Variants in RGS6 observed in about 807,000 individuals in gnomAD.
RGS6 encodes regulator of G-protein signaling 6.
RGS6 carries 30 observed loss-of-function variants against 78.5 expected under a neutral mutation model. That is an observed-to-expected ratio of 0.38 (90% confidence interval 0.29 to 0.52). The LOEUF is 0.52. Among genes scored for constraint, RGS6 ranks in the 20% least tolerant of loss-of-function variants. RGS6 has a pLI of 0.85. For synonymous variants in RGS6, 206 were observed against 206.0 expected (o/e 1.00, Z 0.00); for missense variants, 495 against 609.7 (o/e 0.81, Z 1.98).
intron 2 of RGS6, among the ~76,000 whole-genome samples, chr14:72,094,778 G>A (rs569251907): frequency 1.3e-5 from 2 of 152,300 alleles, no homozygotes; most frequent in South Asian, 4.1e-4. Context: ...GGAGGAGTAG[G>A]AGAGACAATA....
chr14:72,121,231 C>G (rs1228935567), intron 2 of RGS6, among the ~76,000 whole-genome samples: 1 of 152,192 alleles, frequency 6.6e-6, no homozygotes, highest in East Asian at 1.9e-4. Flanking sequence ...AGCTTTTAAA[C>G]TTTCCTCCAG....
intron 3 of RGS6, among the ~76,000 whole-genome samples, chr14:72,430,276 A>G (rs1269657427): frequency 6.6e-6 from 1 of 152,182 alleles, no homozygotes; most frequent in East Asian, 1.9e-4. Context: ...TCTCTTCTCT[A>G]ACATCTCCAC....
the RGS6 span, among the ~76,000 whole-genome samples, chr14:71,919,784 AG>A: frequency 1.3e-5 from 2 of 152,140 alleles, no homozygotes; most frequent in African/African-American, 4.8e-5. Flanking sequence ...ACTTGAGGTC[AG>A]GAGTTTGAGA....
intron 2 of RGS6, among the ~76,000 whole-genome samples, chr14:72,215,859 T>C (rs1290642763): frequency 6.6e-6 from 1 of 152,238 alleles, no homozygotes. Flanking sequence ...TATTTAAGAA[T>C]GTTAGCACAG....
chr14:71,968,990 A>C (rs1357638562), intron 2 of RGS6, among the ~76,000 whole-genome samples: 1 of 152,090 alleles, frequency 6.6e-6, no homozygotes, highest in African/African-American at 2.4e-5. Context: ...CCACCCCACG[A>C]CAGGCCCCAG....
chr14:71,972,579 G>A (rs1356888022), intron 2 of RGS6, among the ~76,000 whole-genome samples: 1 of 152,192 alleles, frequency 6.6e-6, no homozygotes, highest in Non-Finnish European at 1.5e-5. Flanking sequence ...TGGAGGATGG[G>A]ATCTGAAATG....
In RGS6 at chr14:72,310,510, C is replaced by T. The variant is rs756609140; in HGVS notation, c.85-41585C>T. Among the ~76,000 whole-genome samples the T allele has an allele frequency of 5.3e-5, 8 of 152,256 alleles. No homozygotes were observed. The East Asian group carries it at 9.6e-4, about 18-fold the overall frequency. The stretch of plus-strand genomic sequence containing the variant: ...CAGAAGGAATGAGGCTAGTGTCTGC[C>T]GTTAGCTTAATTATTGGGGAAAAGC... On this transcript the variant is annotated intron_variant, in intron 2 of 17. Transcript: ENST00000553525.
In RGS6 at chr14:72,475,310, G is replaced by A. The variant is rs57192597; in HGVS notation, c.693+611G>A. On this transcript the variant is annotated intron_variant, in intron 10 of 17. Coordinates refer to ENST00000553525, the MANE Select transcript of RGS6 (RefSeq NM_001204424.2). ...TCACTTGTGTTTCACTTTACTCAAA[G>A]GAGTAGTGGTCACAGCATACCCGAG... Among the ~76,000 whole-genome samples, 714 of 144,674 alleles carry A rather than the reference G, an allele frequency of 4.9e-3. 5 individuals are homozygous for A. The highest frequency in any genetic ancestry group is 0.017 in the African/African-American group (658 of 39,404). The allele number at this position is 144,674 out of a possible 152,430, so 94.9% of individuals were successfully genotyped here.
At chr14:72,051,291 G>A (rs534266116) in intron 2 of RGS6, among the ~76,000 whole-genome samples, 1 of 152,164 alleles carries the variant, frequency 6.6e-6, no homozygotes, top group Non-Finnish European at 1.5e-5. Flanking sequence ...AGGGCTGGCA[G>A]TATTCGCATG....
In RGS6 at chr14:72,363,104, A is replaced by G. The variant is rs1596295695; in HGVS notation, c.184+10910A>G. 3.3e-5 allele frequency among the ~76,000 whole-genome samples: 5 copies of G among 152,284 alleles called. No homozygotes were observed. In the South Asian group the frequency reaches 1.0e-3, roughly 32 times the overall value. On this transcript the variant is annotated intron_variant, in intron 3 of 17. Coordinates refer to ENST00000553525, the MANE Select transcript of RGS6 (RefSeq NM_001204424.2). ...GGAATGAAAAGGATACAAGAATTAC[A>G]CCTAATAATATATTATAAAGGAAAG...
intron 17 of RGS6, chr14:72,541,462 G>C (rs945512450): frequency 1.3e-6 from 2 of 1,535,230 alleles, no homozygotes; most frequent in African/African-American, 1.4e-5. Context: ...TTCCTCATGA[G>C]AAATCAGAAT....
At chr14:72,272,855 C>G (rs1452222146) in intron 2 of RGS6, among the ~76,000 whole-genome samples, 6 of 152,226 alleles carry the variant, frequency 3.9e-5, no homozygotes, top group Non-Finnish European at 8.8e-5. Context: ...TGGCTCACGC[C>G]TGTAATCCCA....
At chr14:72,065,893 G>C (rs985351000) in intron 2 of RGS6, among the ~76,000 whole-genome samples, 1 of 151,748 alleles carries the variant, frequency 6.6e-6, no homozygotes, top group Non-Finnish European at 1.5e-5. Flanking sequence ...TCTAGCATTA[G>C]GTATATCTCC....
At chr14:72,587,953 G>T in the RGS6 span, among the ~76,000 whole-genome samples, 1 of 152,206 alleles carries the variant, frequency 6.6e-6, no homozygotes, top group African/African-American at 2.4e-5. Flanking sequence ...GTAAGAGATG[G>T]TAGTGCTTGA....
intron 16 of RGS6, chr14:72,537,670 A>C (rs1177687228): frequency 7.8e-6 from 5 of 643,320 alleles, no homozygotes; most frequent in Admixed American, 2.7e-5. Flanking sequence ...AAGAAAAATT[A>C]TAGGAACTTT....
At chr14:72,527,176 A>G (rs533398205) in intron 15 of RGS6, among the ~76,000 whole-genome samples, 1 of 152,352 alleles carries the variant, frequency 6.6e-6, no homozygotes, top group South Asian at 2.1e-4. Context: ...CATTGCTAAC[A>G]GCAGTGATAG....
At chr14:72,608,902 C>G in the RGS6 span, among the ~76,000 whole-genome samples, 1 of 151,888 alleles carries the variant, frequency 6.6e-6, no homozygotes, top group Non-Finnish European at 1.5e-5. Flanking sequence ...CTCTCTCCCT[C>G]TCTCTCTTTC....
At chr14:72,425,620 G>T (rs1230848511) in intron 3 of RGS6, among the ~76,000 whole-genome samples, 2 of 152,088 alleles carry the variant, frequency 1.3e-5, no homozygotes, top group Non-Finnish European at 2.9e-5. Context: ...CCTAAATGGG[G>T]TATCATTTTT....
At chr14:72,430,368 A>G (rs2094578140) in intron 3 of RGS6, among the ~76,000 whole-genome samples, 1 of 152,174 alleles carries the variant, frequency 6.6e-6, no homozygotes, top group African/African-American at 2.4e-5. Context: ...TTTCTCCCCG[A>G]TTCACATTCA....
Sources: allele counts gnomAD v4.1 joint callset (sites outside exome capture counted in the v4.1 genomes callset), GRCh38; gene constraint gnomAD v4.1.1; transcripts MANE v1.5; gene names NCBI Gene and HGNC (gene_info 2026-07-23, HGNC 2026-07-21).